The following FAM186A variants were observed in gnomAD, a reference collection of about 807,000 sequenced individuals.
FAM186A encodes protein FAM186A.
FAM186A carries 163 observed loss-of-function variants against 216.8 expected under a neutral mutation model. The observed-to-expected ratio is 0.75, with a 90% CI of 0.66 to 0.86. The LOEUF (loss-of-function observed/expected upper bound fraction) is 0.86, where lower values mean the gene tolerates loss of function less well. Among genes scored for constraint, FAM186A ranks in the 40% least tolerant of loss-of-function variants. The pLI is 0.00. For missense variants in FAM186A, 2,184 were observed against 2,746.2 expected, an observed-to-expected ratio of 0.80 and a Z score of 4.58; for synonymous variants, 805 against 1,025.3, an observed-to-expected ratio of 0.79 and a Z score of 4.10.
At chr12:50,375,366 G>T (rs1943187131) in intron 1 of FAM186A, among the ~76,000 whole-genome samples, 1 of 151,948 alleles carries the variant, frequency 6.6e-6, no homozygotes, top group African/African-American at 2.4e-5. Flanking sequence ...TGGCCAACAT[G>T]GTGAAACCCT....
At chr12:50,387,157 C>A (rs1453473835) in intron 1 of FAM186A, among the ~76,000 whole-genome samples, 3 of 152,134 alleles carry the variant, frequency 2.0e-5, no homozygotes, top group African/African-American at 4.8e-5. Context: ...TAGGTCGAAG[C>A]CTCAGTCCCC....
chr12:50,328,597 T>G (rs554420083), intron 7 of FAM186A, among the ~76,000 whole-genome samples: 10 of 152,096 alleles, frequency 6.6e-5, no homozygotes, highest in Non-Finnish European at 1.3e-4. Context: ...AACCTCTGCC[T>G]CCCAGACTCA....
At chr12:50,332,931 G>A (rs968630136) in intron 5 of FAM186A, among the ~76,000 whole-genome samples, 1 of 151,586 alleles carries the variant, frequency 6.6e-6, no homozygotes, top group East Asian at 2.0e-4. Context: ...GGGAGGGTGA[G>A]GCAGGAGAAT....
intron 1 of FAM186A, among the ~76,000 whole-genome samples, chr12:50,375,911 C>T (rs548458362): frequency 5.3e-5 from 8 of 151,880 alleles, no homozygotes; most frequent in Non-Finnish European, 8.8e-5. Context: ...GATACCGGCC[C>T]GGATCCCATG....
At chr12:50,366,030 C>T in intron 1 of FAM186A, 1 of 757,700 alleles carries the variant, frequency 1.3e-6, no homozygotes, top group Non-Finnish European at 2.4e-6. Context: ...CAAATCTCGC[C>T]AAGTAGGAAA....
At chr12:50,365,356 G>T (rs1398291025) in intron 1 of FAM186A, among the ~76,000 whole-genome samples, 1 of 152,106 alleles carries the variant, frequency 6.6e-6, no homozygotes. Context: ...ACACTGAAAT[G>T]CATGTTATTA....
At chr12:50,341,087 G>A (rs150931941) in intron 4 of FAM186A, among the ~76,000 whole-genome samples, 32 of 152,170 alleles carry the variant, frequency 2.1e-4, no homozygotes, top group Admixed American at 7.2e-4. Context: ...ATGAGCCACC[G>A]CGCCCAGCTC....
chr12:50,394,588 C>CTAT (rs1302304390), intron 1 of FAM186A, among the ~76,000 whole-genome samples: 81 of 151,556 alleles, frequency 5.3e-4, no homozygotes, highest in African/African-American at 1.8e-3. Flanking sequence ...TATCTATCTA[C>CTAT]CTATCTACCT....
chr12:50,353,835 T>A lies in FAM186A; in HGVS notation c.2997A>T (p.Glu999Asp). 1 of 1,551,716 alleles carries A rather than the reference T, an allele frequency of 6.4e-7. No homozygotes were observed. The highest frequency in any genetic ancestry group is 8.7e-7 in the Non-Finnish European group (1 of 1,146,970). ...QMKETQPKEL[E>D]KMVIQTPMTL... ...TCATTGGAGTTTGGATGACCATTTTTTCTAGCTCTTTAGGTTGTGTTTCCT... is the reference window on the plus strand; with the variant it reads ...TCATTGGAGTTTGGATGACCATTTTATCTAGCTCTTTAGGTTGTGTTTCCT... Residue 999 changes from glutamate (E) to aspartate (D), a missense_variant, in exon 4 of 8, where the codon GAA becomes GAT. Around this residue, in one of 7 missense-constraint regions of FAM186A, gnomAD observed 1,132 missense variants for 1,263.4 expected, o/e 0.90. Coordinates refer to ENST00000327337, the MANE Select transcript of FAM186A (RefSeq NM_001145475.3).
intron 3 of FAM186A, among the ~76,000 whole-genome samples, chr12:50,359,520 A>C (rs1192959776): frequency 6.6e-6 from 1 of 152,226 alleles, no homozygotes; most frequent in Non-Finnish European, 1.5e-5. Flanking sequence ...GAGTTTCTTT[A>C]AAAGTTAAAC....
chr12:50,353,671 AG>A lies in FAM186A; in HGVS notation c.3160del (p.Leu1054TyrfsTer54). ...EPISITPPPS[L>X]QYSLPGALPI... ...AAGAGCTCCAGGCAGGGAGTATTGT[AG>A]GGAGGGGGGAGGTGTGATTGATATG... On this transcript the variant is annotated frameshift_variant, in exon 4 of 8. Transcript: ENST00000327337. LOFTEE classifies it high-confidence loss of function. The A allele has an allele frequency of 6.5e-7, 1 of 1,538,248 alleles. No individual in the cohort carries two copies.
At chr12:50,350,290 A>T (rs746831709) in intron 4 of FAM186A, 39 bp downstream of exon 4, 67 of 1,466,004 alleles carry the variant, frequency 4.6e-5, no homozygotes, top group Non-Finnish European at 6.0e-5. Context: ...TTGCAATCAG[A>T]ACTAAACCAG....
Position 50,393,601 on chromosome 12 carries a change from C to T in FAM186A, c.192+2692G>A, listed in dbSNP as rs58396957. 8.6e-3 allele frequency among the ~76,000 whole-genome samples: 1,297 copies of T among 151,690 alleles called. 17 individuals are homozygous for T. The highest frequency in any genetic ancestry group is 0.029 in the African/African-American group (1,217 of 41,386). ...GTGGCTCAAGCCTGTAATCTTAGCA[C>T]TCTGGGAGGCTGAGGCAGGCAGATT... On this transcript the variant is annotated intron_variant, in intron 1 of 7. Coordinates refer to ENST00000327337, the MANE Select transcript of FAM186A (RefSeq NM_001145475.3).
Position 50,396,531 on chromosome 12 carries a change from T to C in FAM186A, c.-47A>G, listed in dbSNP as rs1592642314. The C allele has an allele frequency of 6.7e-7, 1 of 1,499,032 alleles. No homozygotes were observed. Among genetic ancestry groups the C allele is most frequent in the Non-Finnish European group, 8.9e-7 (1 of 1,117,896 alleles). 92.9% of individuals were successfully genotyped at this position (1,499,032 alleles called of 1,614,324 possible). On this transcript the variant is annotated 5_prime_UTR_variant, in exon 1 of 8. Transcript: ENST00000327337. ...GTTTTATTTCTTCTTTTTCACAGAA[T>C]CTACAAAAATGCTAATAAAGATATC...
rs1041811657 is a variant in FAM186A, at chr12:50,331,299, G to A, written c.6848+371C>T. 3.3e-5 allele frequency among the ~76,000 whole-genome samples: 5 copies of A among 152,136 alleles called. 1 individual carries two copies. The highest frequency in any genetic ancestry group is 1.2e-4 in the African/African-American group (5 of 41,432). On this transcript the variant is annotated intron_variant, in intron 6 of 7. Transcript: ENST00000327337. ...CTGTTGCCCAGGCTGGAGTGCAATG[G>A]CACGATCTCGGCTCACCGCAACCTC...
At chr12:50,357,561 A>G (rs1942990846) in intron 3 of FAM186A, among the ~76,000 whole-genome samples, 1 of 152,046 alleles carries the variant, frequency 6.6e-6, no homozygotes, top group Non-Finnish European at 1.5e-5. Flanking sequence ...GAGTGAGAAA[A>G]TCAGCAATCT....
intron 4 of FAM186A, among the ~76,000 whole-genome samples, chr12:50,334,361 G>A (rs1942687107): frequency 6.6e-6 from 1 of 151,796 alleles, no homozygotes; most frequent in Admixed American, 6.6e-5. Context: ...TAGTAGAGAC[G>A]GGGTTTCTCC....
intron 5 of FAM186A, 106 bp downstream of exon 5, chr12:50,333,805 C>T (rs1942679553): frequency 9.0e-7 from 1 of 1,104,998 alleles, no homozygotes. Context: ...TACAGCAGCC[C>T]AGGAAAGTAA....
At position 50,350,739 on chromosome 12, in the gene FAM186A, G is replaced by T; in HGVS notation, c.6093C>A (p.Tyr2031Ter). The change falls in exon 4 of 8, where the codon TAC becomes TAA. Residue 2031 changes from tyrosine to a stop codon, truncating the protein, a stop_gained. Coordinates refer to ENST00000327337, the MANE Select transcript of FAM186A (RefSeq NM_001145475.3). LOFTEE classifies it high-confidence loss of function. The part of the protein sequence containing the change: ...KYRTPVYQTP[Y>*]TDERALLTLM... Reference sequence around the variant, plus strand: ...GAGTGAGAAGGGCCCTTTCATCAGTGTAAGGGGTTTGGTATACTGGTGTCC... The same window carrying T: ...GAGTGAGAAGGGCCCTTTCATCAGTTTAAGGGGTTTGGTATACTGGTGTCC... The T allele has an allele frequency of 6.4e-7, 1 of 1,551,714 alleles. No individual in the cohort carries two copies. Among genetic ancestry groups the T allele is most frequent in the Non-Finnish European group, 8.7e-7 (1 of 1,146,994 alleles).
Sources: allele counts gnomAD v4.1 joint callset (sites outside exome capture counted in the v4.1 genomes callset), GRCh38; gene constraint gnomAD v4.1.1; regional missense constraint gnomAD v4.1.1; transcripts MANE v1.5; gene names NCBI Gene and HGNC (gene_info 2026-07-23, HGNC 2026-07-21).